WDR64: variants seen among roughly 807,000 people sequenced by gnomAD.
The protein encoded by WDR64 is WD repeat-containing protein 64.
A neutral mutation model predicts 139.3 loss-of-function variants in WDR64; 112 were observed. That is an observed-to-expected ratio of 0.80 (90% confidence interval 0.69 to 0.94). The LOEUF (loss-of-function observed/expected upper bound fraction) is 0.94. Ranked by LOEUF, WDR64 falls within the 40% of genes least tolerant of loss-of-function variation. The probability of loss-of-function intolerance (pLI) is 0.00; values close to 1 mark genes in which losing one functional copy is unlikely to be tolerated. For missense variants in WDR64, 1,206 were observed against 1,293.1 expected, an observed-to-expected ratio of 0.93 and a Z score of 1.03; for synonymous variants, 444 against 437.7, an observed-to-expected ratio of 1.01 and a Z score of -0.18.
intron 23 of WDR64, 100 bp downstream of exon 23, chr1:241,783,481 G>A: frequency 2.0e-5 from 16 of 815,194 alleles, no homozygotes; most frequent in East Asian, 5.6e-5. Flanking sequence ...ATGCAATCTT[G>A]GTAAACTGAT....
At position 241,795,303 on chromosome 1, in the gene WDR64, T is replaced by G. The variant is rs772882012; in HGVS notation, c.3078+16T>G. 2.0e-5 allele frequency: 32 copies of G among 1,608,896 alleles called. No individual in the cohort carries two copies. Among genetic ancestry groups the G allele is most frequent in the Non-Finnish European group, 2.6e-5 (31 of 1,176,714 alleles). ...TATATACAGTGTGAGTTGGAGTTTC[T>G]AGGAGTAGAGGGGTCACAGAACAGT... On this transcript the variant is annotated intron_variant, in intron 26 of 27. Transcript: ENST00000437684.
intron 14 of WDR64, among the ~76,000 whole-genome samples, chr1:241,750,497 A>G (rs1669938962): frequency 6.6e-6 from 1 of 152,240 alleles, no homozygotes; most frequent in Non-Finnish European, 1.5e-5. Context: ...TGTCTGAGTA[A>G]TCCAAAATGG....
In WDR64 at chr1:241,652,556, G is replaced by A. The variant is rs748545537; in HGVS notation, c.72G>A (p.Arg24=). 3 of 1,552,116 alleles carry A rather than the reference G, an allele frequency of 1.9e-6. No homozygotes were observed. The highest frequency in any genetic ancestry group is 2.6e-6 in the Non-Finnish European group (3 of 1,147,076). The change falls in exon 1 of 28, where the codon AGG becomes AGA. Residue 24 remains arginine, a synonymous_variant. Transcript: ENST00000437684. ...QMSNFKKALN[R]FEKLVEQTAA... The stretch of plus-strand genomic sequence containing the variant: ...GCAATTTCAAAAAGGCTTTGAACAG[G>A]TTTGAAAAATTGGTTGAACAAACAG...
intron 20 of WDR64, 144 bp downstream of exon 20, chr1:241,773,075 T>C (rs1175222432): frequency 1.3e-5 from 14 of 1,088,078 alleles, no homozygotes; most frequent in African/African-American, 3.2e-5. Flanking sequence ...TTGCAGCCTG[T>C]TTATTGATAA....
rs1247434036 is a variant in WDR64, at chr1:241,773,014, T to C, written c.2430+83T>C. 1.7e-5 allele frequency: 23 copies of C among 1,390,586 alleles called. No homozygotes were observed. In the Admixed American group the frequency reaches 3.0e-4, roughly 18 times the overall value. 86.1% of individuals were successfully genotyped at this position (1,390,586 alleles called of 1,614,324 possible). Reference sequence around the variant, plus strand: ...TTAAATGAATCTTAGTGTTCTTCCATATGGCATCCAATTATAATATTTTTT... The same window carrying C: ...TTAAATGAATCTTAGTGTTCTTCCACATGGCATCCAATTATAATATTTTTT... On this transcript the variant is annotated intron_variant, in intron 20 of 27. Transcript: ENST00000437684.
chr1:241,795,184 A>G, intron 25 of WDR64, 23 bp from the exon 26 acceptor site: 1 of 1,610,046 alleles, frequency 6.2e-7, no homozygotes, highest in Non-Finnish European at 8.5e-7. Context: ...CTTTCATTAA[A>G]CATTCATCCC....
At chr1:241,784,455 G>A (rs760755123) in intron 23 of WDR64, among the ~76,000 whole-genome samples, 1 of 152,158 alleles carries the variant, frequency 6.6e-6, no homozygotes, top group Non-Finnish European at 1.5e-5. Context: ...TAACTCAAAG[G>A]GGAGGTAAGT....
At chr1:241,653,538 CTTTTCT>C (rs1358880900) in intron 1 of WDR64, among the ~76,000 whole-genome samples, 1 of 107,898 alleles carries the variant, frequency 9.3e-6, no homozygotes, top group African/African-American at 3.0e-5. Context: ...CTTTTCTTTT[CTTTTCT>C]TTTTTTTTTT....
chr1:241,674,728 T>C lies in WDR64; in HGVS notation c.464T>C (p.Ile155Thr). 1 of 1,544,416 alleles carries C rather than the reference T, an allele frequency of 6.5e-7. No individual in the cohort carries two copies. Among genetic ancestry groups the C allele is most frequent in the Non-Finnish European group, 8.8e-7 (1 of 1,141,656 alleles). ...ATAACAGCTACTCAGAAAGGATTAA[T>C]AACAGTTTTTAATAACCAGGTAATT... ...LLITATQKGL[I>T]TVFNNQMRVQ... is the part of the protein sequence containing the mutation. Residue 155 changes from isoleucine (I) to threonine (T), a missense_variant, in exon 4 of 28, where the codon ATA becomes ACA. Coordinates refer to ENST00000437684, the MANE Select transcript of WDR64 (RefSeq NM_001367482.1).
At chr1:241,767,234 T>A (rs1347553081) in intron 16 of WDR64, among the ~76,000 whole-genome samples, 1 of 152,132 alleles carries the variant, frequency 6.6e-6, no homozygotes, top group East Asian at 1.9e-4. Context: ...AGATTGGGGC[T>A]AACAAGGGCC....
chr1:241,699,032 TC>T (rs1399262548), intron 8 of WDR64, among the ~76,000 whole-genome samples: 1 of 152,034 alleles, frequency 6.6e-6, no homozygotes, highest in Admixed American at 6.6e-5. Context: ...CCATCAAATC[TC>T]ATGAGAACTC....
At chr1:241,655,052 G>T (rs1665525567) in intron 1 of WDR64, among the ~76,000 whole-genome samples, 2 of 152,106 alleles carry the variant, frequency 1.3e-5, no homozygotes, top group Admixed American at 6.5e-5. Flanking sequence ...CTATGTCATG[G>T]TATCTATCTC....
At chr1:241,701,641 GTAA>G (rs1667715605) in intron 8 of WDR64, among the ~76,000 whole-genome samples, 1 of 150,176 alleles carries the variant, frequency 6.7e-6, no homozygotes, top group African/African-American at 2.5e-5. Flanking sequence ...CAGTTGAGTA[GTAA>G]TGACAACCTC....
intron 9 of WDR64, among the ~76,000 whole-genome samples, chr1:241,712,565 G>A (rs979774183): frequency 5.3e-5 from 8 of 152,154 alleles, no homozygotes; most frequent in Non-Finnish European, 1.2e-4. Flanking sequence ...CAGACTGTAT[G>A]GGTACAACTC....
chr1:241,788,456 A>C (rs6682374), intron 24 of WDR64, among the ~76,000 whole-genome samples: 1,797 of 152,292 alleles, frequency 0.012, 31 homozygotes, highest in African/African-American at 0.041. Flanking sequence ...AGTGCAGCTC[A>C]ACCCTAGATG....
At chr1:241,734,246 A>G (rs1669207429) in intron 10 of WDR64, among the ~76,000 whole-genome samples, 2 of 152,140 alleles carry the variant, frequency 1.3e-5, no homozygotes, top group African/African-American at 2.4e-5. Context: ...TACATCTTAC[A>G]TATATTAATT....
At chr1:241,790,805 G>A in intron 25 of WDR64, 109 bp downstream of exon 25, 4 of 811,472 alleles carry the variant, frequency 4.9e-6, no homozygotes, top group Non-Finnish European at 7.7e-6. Flanking sequence ...ATTTTTTATT[G>A]ATGGTATTAC....
chr1:241,751,083 A>AT (rs982758696), intron 14 of WDR64, among the ~76,000 whole-genome samples: 5 of 152,058 alleles, frequency 3.3e-5, no homozygotes, highest in Admixed American at 2.0e-4. Context: ...TCATTCATTC[A>AT]TTTTTTTCAA....
At chr1:241,779,205 C>T (rs149604848) in intron 21 of WDR64, among the ~76,000 whole-genome samples, 25 of 152,168 alleles carry the variant, frequency 1.6e-4, no homozygotes, top group African/African-American at 5.8e-4. Context: ...TTCTTGCTTG[C>T]GTTGCTTTTG....
Sources: allele counts gnomAD v4.1 joint callset (sites outside exome capture counted in the v4.1 genomes callset), GRCh38; gene constraint gnomAD v4.1.1; transcripts MANE v1.5; gene names NCBI Gene and HGNC (gene_info 2026-07-23, HGNC 2026-07-21).